The following TTK variants were observed in gnomAD, a reference collection of about 807,000 sequenced individuals.
The protein encoded by TTK is dual specificity protein kinase TTK.
A neutral mutation model predicts 117.3 loss-of-function variants in TTK; 59 were observed. The ratio of observed to expected loss-of-function variants is 0.50; its 90% CI spans 0.41 to 0.62. The LOEUF is 0.62. Among genes scored for constraint, TTK ranks in the 20% least tolerant of loss-of-function variants. TTK has a pLI of 0.00. For missense variants in TTK, 921 were observed against 989.4 expected (o/e 0.93, Z 0.93); for synonymous variants, 302 against 325.0 (o/e 0.93, Z 0.76).
Position 80,027,682 on chromosome 6 carries a change from T to C in TTK, c.1395-203T>C, listed in dbSNP as rs114534037. Among the ~76,000 whole-genome samples, 687 of 152,340 alleles carry C rather than the reference T, an allele frequency of 4.5e-3. 10 individuals are homozygous for C. Among genetic ancestry groups the C allele is most frequent in the African/African-American group, 0.016 (652 of 41,582 alleles). On this transcript the variant is annotated intron_variant, in intron 12 of 21. Coordinates refer to ENST00000369798, the MANE Select transcript of TTK (RefSeq NM_003318.5). ...AAGATTTCTTGTCTGCATACAAATA[T>C]TTACTTTCAGAAAGAATTCCCCAAA...
chr6:80,023,474 T>G (rs547069244), intron 11 of TTK, among the ~76,000 whole-genome samples: 80 of 151,920 alleles, frequency 5.3e-4, no homozygotes, highest in African/African-American at 1.9e-3. Context: ...GCGCCTGTAG[T>G]CCCAGCTACT....
At chr6:80,022,250 A>G (rs1767479448) in intron 10 of TTK, 74 bp from the exon 11 acceptor site, 1 of 1,456,256 alleles carries the variant, frequency 6.9e-7, no homozygotes, top group Non-Finnish European at 9.3e-7. Flanking sequence ...AGTTTGTAAT[A>G]TGTTCTGTTG....
intron 2 of TTK, among the ~76,000 whole-genome samples, chr6:80,007,278 T>A (rs1370702375): frequency 6.6e-6 from 1 of 152,176 alleles, no homozygotes; most frequent in African/African-American, 2.4e-5. Flanking sequence ...ATTTGTTTAT[T>A]TTTTGTAAAG....
chr6:80,041,362 A>G (rs759525202), intron 21 of TTK, among the ~76,000 whole-genome samples: 3 of 151,742 alleles, frequency 2.0e-5, no homozygotes, highest in Non-Finnish European at 3.0e-5. Flanking sequence ...ACTTGAATAC[A>G]TTTTTTGAAG....
rs576431013 is a variant in TTK at position 80,014,654 on chromosome 6, A to C, written c.1108+68A>C. 3.5e-6 allele frequency: 5 copies of C among 1,438,770 alleles called. No homozygotes were observed. In the East Asian group the frequency reaches 1.2e-4, roughly 34 times the overall value. 89.1% of individuals were successfully genotyped at this position (1,438,770 alleles called of 1,614,324 possible). On this transcript the variant is annotated intron_variant, in intron 10 of 21. Coordinates refer to ENST00000369798, the MANE Select transcript of TTK (RefSeq NM_003318.5). ...AAACCACTTGATAGCTTAAGAAAGC[A>C]GACTAGCCACCTAAGAATTATGATG...
intron 19 of TTK, 23 bp downstream of exon 19, chr6:80,039,895 A>G (rs1278305422): frequency 6.9e-7 from 1 of 1,443,242 alleles, no homozygotes; most frequent in Non-Finnish European, 9.2e-7. Context: ...TCATGTAACT[A>G]ATTATTTACT....
At position 80,042,148 on chromosome 6, in the gene TTK, A is replaced by T. The variant is rs1768064761; in HGVS notation, c.2520A>T (p.Glu840Asp). The change falls in exon 22 of 22, where the codon GAA (glutamate) becomes GAT (aspartate). Residue 840 changes from glutamate (E) to aspartate (D), a missense_variant. Glu to Asp is a conservative substitution (Grantham distance 45). Transcript: ENST00000369798. The stretch of plus-strand genomic sequence containing the variant: ...TATATGAACACTATAGTGGTGGTGA[A>T]AGTCATAATTCTTCATCCTCCAAGA... The part of the protein sequence containing the change: ...KTLYEHYSGG[E>D]SHNSSSSKTF... The T allele has an allele frequency of 2.5e-6, 4 of 1,602,582 alleles. No individual in the cohort carries two copies. The highest frequency in any genetic ancestry group is 3.4e-4 in the Middle Eastern group (2 of 5,928).
intron 9 of TTK, 99 bp downstream of exon 9, chr6:80,013,465 C>G: frequency 1.0e-6 from 1 of 967,432 alleles, no homozygotes; most frequent in South Asian, 1.5e-5. Context: ...ATAAATAGTT[C>G]ATGTATCTCC....
At chr6:80,016,995 C>T (rs1251464248) in intron 10 of TTK, among the ~76,000 whole-genome samples, 1 of 152,164 alleles carries the variant, frequency 6.6e-6, no homozygotes, top group Non-Finnish European at 1.5e-5. Flanking sequence ...GTGTTGTCTC[C>T]AGTAAGGAAA....
chr6:80,039,227 G>T (rs913133364), intron 18 of TTK, among the ~76,000 whole-genome samples: 4 of 151,918 alleles, frequency 2.6e-5, no homozygotes, highest in African/African-American at 9.7e-5. Flanking sequence ...CACAAGCTCC[G>T]CATAGTTCTA....
At chr6:80,039,507 T>G (rs1767990237) in intron 18 of TTK, among the ~76,000 whole-genome samples, 189 bp from the exon 19 acceptor site, 1 of 151,870 alleles carries the variant, frequency 6.6e-6, no homozygotes, top group South Asian at 2.1e-4. Flanking sequence ...AAAGTAAAGC[T>G]CATATCTTCT....
rs1380258298 is a variant in TTK, at chr6:80,010,828, A to G, written c.484A>G (p.Ser162Gly). ...TGCTTTGTTAGGTAATGTCAAAAAAAGTAAACAACTTCTTCAAAAAGCTGT... is the reference window on the plus strand; with the variant it reads ...TGCTTTGTTAGGTAATGTCAAAAAAGGTAAACAACTTCTTCAAAAAGCTGT... ...FELSQGNVKK[S>G]KQLLQKAVER... The change falls in exon 5 of 22, where the codon AGT becomes GGT. Residue 162 changes from serine (S) to glycine (G), a missense_variant. By Grantham distance (56) the Ser-to-Gly change is moderately conservative. Transcript: ENST00000369798. The G allele has an allele frequency of 8.7e-6, 14 of 1,610,432 alleles. No individual in the cohort carries two copies. Among genetic ancestry groups the G allele is most frequent in the Non-Finnish European group, 1.2e-5 (14 of 1,177,804 alleles).
intron 20 of TTK, 44 bp from the exon 21 acceptor site, chr6:80,040,562 T>C (rs1223761548): frequency 2.6e-6 from 4 of 1,542,964 alleles, no homozygotes; most frequent in Middle Eastern, 1.7e-4. Flanking sequence ...AATGGACTTA[T>C]ATTTTTCTTA....
In TTK at chr6:80,036,509, T is replaced by C; in HGVS notation, c.1959T>C (p.Phe653=). The stretch of plus-strand genomic sequence containing the variant: ...ACAGTGATCTTAAACCAGCTAACTT[T>C]CTGATAGTTGATGGAATGCTAAAGC... ...IVHSDLKPAN[F]LIVDGMLKLI... Residue 653 remains phenylalanine, a synonymous_variant, in exon 17 of 22, where the codon TTT becomes TTC. Transcript: ENST00000369798. The C allele has an allele frequency of 6.2e-7, 1 of 1,611,372 alleles. No homozygotes were observed. Among genetic ancestry groups the C allele is most frequent in the Non-Finnish European group, 8.5e-7 (1 of 1,178,738 alleles).
In TTK at chr6:80,007,926, AATTG is replaced by A. The variant is rs1484975249; in HGVS notation, c.262_265del (p.Ile88ValfsTer26). ...CCGCTAAGTGATGCTCTTTTAAATA[AATTG>A]ATTGGTCGTTACAGTCAAGCAATTG... On this transcript the variant is annotated frameshift_variant, in exon 3 of 22. Transcript: ENST00000369798. LOFTEE classifies it high-confidence loss of function. 2 of 1,613,530 alleles carry A rather than the reference AATTG, an allele frequency of 1.2e-6. No individual in the cohort carries two copies. Among genetic ancestry groups the A allele is most frequent in the African/African-American group, 1.3e-5 (1 of 74,898 alleles).
In TTK at chr6:80,042,160, T is replaced by C. The variant is rs200077174; in HGVS notation, c.2532T>C (p.Ser844=). Residue 844 remains serine (S), a synonymous_variant, in exon 22 of 22, where the codon TCT becomes TCC. Coordinates refer to ENST00000369798, the MANE Select transcript of TTK (RefSeq NM_003318.5). The part of the protein sequence containing the change: ...EHYSGGESHN[S]SSSKTFEKKR... ...ATAGTGGTGGTGAAAGTCATAATTC[T>C]TCATCCTCCAAGACTTTTGAAAAAA... 1.2e-4 allele frequency: 196 copies of C among 1,604,344 alleles called. No homozygotes were observed. The highest frequency in any genetic ancestry group is 1.6e-4 in the Non-Finnish European group (188 of 1,174,302).
intron 13 of TTK, among the ~76,000 whole-genome samples, chr6:80,031,262 AG>A (rs1767753204): frequency 6.6e-6 from 1 of 151,730 alleles, no homozygotes; most frequent in Non-Finnish European, 1.5e-5. Context: ...AACTAGTTAA[AG>A]GGGGAGACCT....
chr6:80,011,350 T>A, intron 5 of TTK, 84 bp from the exon 6 acceptor site: 1 of 968,014 alleles, frequency 1.0e-6, no homozygotes, highest in South Asian at 2.0e-5. Context: ...GAATTGACTT[T>A]TAAAATATTC....
intron 5 of TTK, 80 bp downstream of exon 5, chr6:80,011,037 ATAT>A (rs896963030): frequency 3.8e-5 from 54 of 1,415,590 alleles, no homozygotes; most frequent in Non-Finnish European, 4.7e-5. Flanking sequence ...TTATAGAAAA[ATAT>A]TATTTATGTA....
Sources: allele counts gnomAD v4.1 joint callset (sites outside exome capture counted in the v4.1 genomes callset), GRCh38; gene constraint gnomAD v4.1.1; transcripts MANE v1.5; gene names NCBI Gene and HGNC (gene_info 2026-07-23, HGNC 2026-07-21).